The following GABRB1 variants were observed in gnomAD, a reference collection of about 807,000 sequenced individuals.
GABRB1 encodes the protein gamma-aminobutyric acid type A receptor subunit beta1.
In GABRB1, 17 loss-of-function variants were observed where a neutral mutation model predicts 51.6. The observed-to-expected ratio is 0.33, with a 90% CI of 0.23 to 0.49. The LOEUF (loss-of-function observed/expected upper bound fraction) is 0.49, where lower values mean the gene tolerates loss of function less well. Among genes scored for constraint, GABRB1 ranks in the 20% least tolerant of loss-of-function variants. GABRB1 has a pLI of 0.99. For synonymous variants in GABRB1, 247 were observed against 218.9 expected (o/e 1.13, Z -1.14); for missense variants, 410 against 600.6 (o/e 0.68, Z 3.32).
chr4:47,032,929 A>AC (rs1398878903), intron 3 of GABRB1: 1 of 354,824 alleles, frequency 2.8e-6, no homozygotes, highest in African/African-American at 2.1e-5. Flanking sequence ...GCCCGGATGC[A>AC]CCAAGGCCCT....
At position 47,006,972 on chromosome 4, in the gene GABRB1, T is replaced by C. The variant is rs187180088; in HGVS notation, c.-20+13046T>C. On this transcript the variant is annotated intron_variant, in intron 1 of 3. Coordinates refer to the GABRB1 transcript ENST00000513567. ...GAGTTTGAGACCAGCCTGGGCAACA[T>C]GGCAAAGCCTACAAAAAATTAGCCA... Among the ~76,000 whole-genome samples, 50 of 152,042 alleles carry C rather than the reference T, an allele frequency of 3.3e-4. 1 individual carries two copies. Among genetic ancestry groups the C allele is most frequent in the South Asian group, 3.1e-3 (15 of 4,810 alleles).
intron 5 of GABRB1, among the ~76,000 whole-genome samples, chr4:47,372,360 A>G (rs887466574): frequency 4.6e-5 from 7 of 152,126 alleles, no homozygotes; most frequent in Admixed American, 3.3e-4. Flanking sequence ...TTCACAAGCA[A>G]CTTAGATGAG....
intron 5 of GABRB1, among the ~76,000 whole-genome samples, chr4:47,366,867 A>G (rs943300142): frequency 2.0e-5 from 3 of 152,192 alleles, no homozygotes; most frequent in East Asian, 1.9e-4. Context: ...GTGCTATTAA[A>G]TTTTAATTTA....
chr4:47,188,376 G>A (rs1719277887), intron 4 of GABRB1, among the ~76,000 whole-genome samples: 1 of 151,902 alleles, frequency 6.6e-6, no homozygotes, highest in Admixed American at 6.6e-5. Flanking sequence ...TGACTGTCTA[G>A]ATTGATAACC....
intron 1 of GABRB1, among the ~76,000 whole-genome samples, chr4:46,999,942 C>G (rs1187414881): frequency 6.6e-6 from 1 of 152,186 alleles, no homozygotes; most frequent in Non-Finnish European, 1.5e-5. Flanking sequence ...TTCCTTCCAC[C>G]AATCTCCTGC....
At chr4:47,255,574 G>T (rs773751931) in intron 4 of GABRB1, among the ~76,000 whole-genome samples, 1 of 152,218 alleles carries the variant, frequency 6.6e-6, no homozygotes, top group Non-Finnish European at 1.5e-5. Flanking sequence ...CCTGAAATGA[G>T]TCTTGAAGAT....
intron 4 of GABRB1, among the ~76,000 whole-genome samples, chr4:47,273,091 G>C (rs1296365751): frequency 1.3e-5 from 2 of 152,050 alleles, no homozygotes; most frequent in African/African-American, 2.4e-5. Flanking sequence ...AAAGCCAAAA[G>C]ACAAAAAATC....
At chr4:47,174,213 C>T (rs764938146) in intron 4 of GABRB1, among the ~76,000 whole-genome samples, 7 of 151,988 alleles carry the variant, frequency 4.6e-5, no homozygotes, top group Admixed American at 1.3e-4. Context: ...CACAGGCACA[C>T]GCCCAGCTAA....
intron 3 of GABRB1, among the ~76,000 whole-genome samples, chr4:47,128,034 T>A (rs747179616): frequency 1.3e-5 from 2 of 151,736 alleles, no homozygotes; most frequent in Non-Finnish European, 3.0e-5. Flanking sequence ...ATATTAAATA[T>A]AAACTATATA....
chr4:47,199,385 C>T (rs545537161), intron 4 of GABRB1, among the ~76,000 whole-genome samples: 6 of 152,082 alleles, frequency 3.9e-5, no homozygotes, highest in East Asian at 3.9e-4. Flanking sequence ...ATGAAATGTA[C>T]GACTCATGGA....
chr4:47,079,365 C>A (rs954347685), intron 3 of GABRB1, among the ~76,000 whole-genome samples: 5 of 152,020 alleles, frequency 3.3e-5, no homozygotes, highest in African/African-American at 1.2e-4. Context: ...CAAGGAATTT[C>A]TCCATTTCTA....
At chr4:47,147,971 A>G (rs1717249559) in intron 3 of GABRB1, among the ~76,000 whole-genome samples, 1 of 152,086 alleles carries the variant, frequency 6.6e-6, no homozygotes, top group South Asian at 2.1e-4. Flanking sequence ...GAGCAACATG[A>G]TCATATTTGC....
At chr4:47,075,410 C>T (rs561759491) in intron 3 of GABRB1, among the ~76,000 whole-genome samples, 5 of 152,258 alleles carry the variant, frequency 3.3e-5, no homozygotes, top group African/African-American at 1.2e-4. Flanking sequence ...GGGCTGTTTT[C>T]ATAAAGGCTA....
intron 5 of GABRB1, among the ~76,000 whole-genome samples, chr4:47,401,755 A>C (rs901406705): frequency 4.6e-5 from 7 of 152,196 alleles, no homozygotes; most frequent in Non-Finnish European, 8.8e-5. Flanking sequence ...TGTATTCTAA[A>C]ATCCATGAAT....
At chr4:47,344,210 C>T (rs923806738) in intron 5 of GABRB1, among the ~76,000 whole-genome samples, 1 of 152,172 alleles carries the variant, frequency 6.6e-6, no homozygotes, top group Non-Finnish European at 1.5e-5. Context: ...CAGAATACTG[C>T]TAGACCTGGC....
Position 47,184,073 on chromosome 4 carries a change from G to A in GABRB1, c.461+22604G>A, listed in dbSNP as rs149400219. Among the ~76,000 whole-genome samples, 341 of 151,984 alleles carry A rather than the reference G, an allele frequency of 2.2e-3. 2 individuals carry two copies. Among genetic ancestry groups the A allele is most frequent in the African/African-American group, 7.3e-3 (302 of 41,502 alleles). On this transcript the variant is annotated intron_variant, in intron 4 of 8. Transcript: ENST00000295454. ...TGGCTATTATAAAGTGATTCCCACT[G>A]TAAATTAAAATCTTTTACCACCTCT...
intron 8 of GABRB1, among the ~76,000 whole-genome samples, chr4:47,422,781 C>A (rs1375581938): frequency 6.6e-6 from 1 of 152,130 alleles, no homozygotes; most frequent in African/African-American, 2.4e-5. Context: ...ACCAAAATAA[C>A]AAACTCTTTT....
intron 3 of GABRB1, among the ~76,000 whole-genome samples, chr4:47,121,405 G>A (rs570950005): frequency 6.6e-6 from 1 of 152,142 alleles, no homozygotes; most frequent in Admixed American, 6.6e-5. Flanking sequence ...CTCTTTCAGC[G>A]ATATGAAGTT....
At chr4:47,112,403 C>G (rs1223583075) in intron 3 of GABRB1, among the ~76,000 whole-genome samples, 1 of 152,146 alleles carries the variant, frequency 6.6e-6, no homozygotes. Flanking sequence ...CACACCCAGC[C>G]TAAAAAGTAG....
Sources: gnomAD v4.1 joint callset for allele counts (sites outside exome capture counted in the v4.1 genomes callset) on GRCh38, gnomAD v4.1.1 for gene constraint, MANE v1.5 for transcripts, NCBI Gene and HGNC (gene_info 2026-07-23, HGNC 2026-07-21) for gene names.